CA10: variants seen among roughly 807,000 people sequenced by gnomAD.
CA10 encodes carbonic anhydrase-related protein 10.
In CA10, 14 loss-of-function variants were observed where a neutral mutation model predicts 44.2. The ratio of observed to expected loss-of-function variants is 0.32; its 90% CI spans 0.21 to 0.50. CA10 has a LOEUF of 0.50. Among genes scored for constraint, CA10 ranks in the 20% least tolerant of loss-of-function variants. The pLI is 0.99. For synonymous variants in CA10, 159 were observed against 141.6 expected, an observed-to-expected ratio of 1.12 and a Z score of -0.87; for missense variants, 350 against 409.7, an observed-to-expected ratio of 0.85 and a Z score of 1.26.
intron 4 of CA10, among the ~76,000 whole-genome samples, chr17:51,733,376 AGG>A (rs1286024753): frequency 6.6e-6 from 1 of 152,154 alleles, no homozygotes; most frequent in Non-Finnish European, 1.5e-5. Context: ...TTGAGAAGGC[AGG>A]GAGGCTGGGA....
At chr17:51,713,731 G>A (rs1916013236) in intron 4 of CA10, among the ~76,000 whole-genome samples, 1 of 152,152 alleles carries the variant, frequency 6.6e-6, no homozygotes, top group African/African-American at 2.4e-5. Flanking sequence ...GCCCTGGGGG[G>A]CACCAATCCT....
intron 7 of CA10, among the ~76,000 whole-genome samples, chr17:51,634,724 T>C (rs1343319352): frequency 6.6e-6 from 1 of 152,178 alleles, no homozygotes; most frequent in Non-Finnish European, 1.5e-5. Context: ...TGCAAAATAC[T>C]ACATATCATA....
Position 51,694,959 on chromosome 17 carries a change from T to A in CA10, c.466-41223A>T, listed in dbSNP as rs185846705. On this transcript the variant is annotated intron_variant, in intron 4 of 8. Transcript: ENST00000451037. ...TTATTCCCACTTTGTTGCATATCAG[T>A]TAGCCATGGGTGTATGGCTTATTTC... 4.9e-3 allele frequency among the ~76,000 whole-genome samples: 749 copies of A among 152,322 alleles called. 9 individuals carry two copies. The highest frequency in any genetic ancestry group is 0.017 in the African/African-American group (711 of 41,582).
At chr17:51,743,996 T>G (rs1904566689) in intron 4 of CA10, among the ~76,000 whole-genome samples, 2 of 152,208 alleles carry the variant, frequency 1.3e-5, no homozygotes, top group African/African-American at 4.8e-5. Context: ...AGGCTAATCC[T>G]CAGTAGAATA....
rs113525693 is a variant in CA10, at chr17:51,683,477, C to T, written c.466-29741G>A. 8.4e-3 allele frequency among the ~76,000 whole-genome samples: 1,284 copies of T among 152,222 alleles called. 20 individuals carry two copies. Among genetic ancestry groups the T allele is most frequent in the African/African-American group, 0.03 (1,236 of 41,534 alleles). Reference sequence around the variant, plus strand: ...TGTGTGGACCAAATGAGATAATCGACGGGAAAACGTTTTGCAAATGGTAAA... The same window carrying T: ...TGTGTGGACCAAATGAGATAATCGATGGGAAAACGTTTTGCAAATGGTAAA... On this transcript the variant is annotated intron_variant, in intron 4 of 8. Transcript: ENST00000451037.
Position 51,975,872 on chromosome 17 carries a change from G to GAA in CA10, c.137-44742_137-44741dup, listed in dbSNP as rs139387796. Among the ~76,000 whole-genome samples the GAA allele has an allele frequency of 2.7e-3, 264 of 98,110 alleles. 2 individuals are homozygous for GAA. Among genetic ancestry groups the GAA allele is most frequent in the African/African-American group, 9.2e-3 (239 of 25,882 alleles). The allele number at this position is 98,110 out of a possible 152,430, so 64.4% of individuals were successfully genotyped here. On this transcript the variant is annotated intron_variant, in intron 2 of 8. Coordinates refer to ENST00000451037, the MANE Select transcript of CA10 (RefSeq NM_020178.5). ...GGTGACAGAGTTAGACTCTGTCTCGGAAAAAAAAAAAAAAAAAAAAAGCAA... is the reference window on the plus strand; with the variant it reads ...GGTGACAGAGTTAGACTCTGTCTCGGAAAAAAAAAAAAAAAAAAAAAAAGCAA...
At chr17:52,046,332 A>G (rs1465511942) in intron 2 of CA10, among the ~76,000 whole-genome samples, 4 of 151,590 alleles carry the variant, frequency 2.6e-5, no homozygotes, top group African/African-American at 9.7e-5. Context: ...ATTTAATAGG[A>G]AAATAATATA....
chr17:51,928,251 G>T (rs1250323488), intron 3 of CA10, among the ~76,000 whole-genome samples: 1 of 152,112 alleles, frequency 6.6e-6, no homozygotes, highest in East Asian at 1.9e-4. Flanking sequence ...ATGAAACACA[G>T]TTTGAACTGC....
intron 4 of CA10, among the ~76,000 whole-genome samples, chr17:51,659,625 T>C (rs1211620712): frequency 2.0e-5 from 3 of 152,234 alleles, no homozygotes; most frequent in Non-Finnish European, 1.5e-5. Flanking sequence ...TTGTTAAAGT[T>C]AGTCATCATC....
At chr17:52,023,263 T>TA (rs1437168346) in intron 2 of CA10, among the ~76,000 whole-genome samples, 1 of 152,056 alleles carries the variant, frequency 6.6e-6, no homozygotes, top group African/African-American at 2.4e-5. Flanking sequence ...AACAGGCTCA[T>TA]ACACCAATGG....
chr17:52,030,494 T>C (rs1487085589), intron 2 of CA10, among the ~76,000 whole-genome samples: 2 of 152,292 alleles, frequency 1.3e-5, no homozygotes, highest in East Asian at 1.9e-4. Context: ...GAGGCACAAA[T>C]GGGATTCCAT....
intron 3 of CA10, among the ~76,000 whole-genome samples, chr17:51,891,453 G>A (rs60764763): frequency 0.099 from 14,999 of 152,208 alleles, 924 homozygotes; most frequent in African/African-American, 0.18. Flanking sequence ...AATAGTTAGC[G>A]ATTTGGTTTG....
intron 4 of CA10, among the ~76,000 whole-genome samples, chr17:51,747,423 T>C (rs1191223147): frequency 2.0e-5 from 3 of 152,202 alleles, no homozygotes; most frequent in Non-Finnish European, 4.4e-5. Flanking sequence ...AAAGAGCTAG[T>C]TTCATTGTAG....
chr17:51,669,356 C>A (rs1242743761), intron 4 of CA10, among the ~76,000 whole-genome samples: 3 of 152,080 alleles, frequency 2.0e-5, no homozygotes, highest in African/African-American at 7.2e-5. Context: ...ACTTTTGTGT[C>A]CAGCTAAAGG....
At chr17:51,901,387 C>T (rs1258822129) in intron 3 of CA10, among the ~76,000 whole-genome samples, 1 of 152,076 alleles carries the variant, frequency 6.6e-6, no homozygotes, top group Non-Finnish European at 1.5e-5. Flanking sequence ...AGCTGCTGTA[C>T]AAGAGGGGCT....
At chr17:51,770,361 C>T (rs1354612774) in intron 3 of CA10, among the ~76,000 whole-genome samples, 1 of 151,720 alleles carries the variant, frequency 6.6e-6, no homozygotes, top group Non-Finnish European at 1.5e-5. Context: ...TATGGAGAAA[C>T]AAAGAACCCC....
At chr17:51,789,915 C>T (rs1259586410) in intron 3 of CA10, among the ~76,000 whole-genome samples, 5 of 152,176 alleles carry the variant, frequency 3.3e-5, no homozygotes, top group African/African-American at 9.7e-5. Flanking sequence ...TCGGTGATGT[C>T]CCTAGACCTC....
intron 2 of CA10, among the ~76,000 whole-genome samples, chr17:52,044,296 T>C (rs1199115904): frequency 6.6e-6 from 1 of 152,054 alleles, no homozygotes; most frequent in Admixed American, 6.6e-5. Flanking sequence ...TGTATGTTTC[T>C]GGGAATTTAT....
At chr17:52,147,304 T>A (rs1488571029) in intron 1 of CA10, among the ~76,000 whole-genome samples, 1 of 152,114 alleles carries the variant, frequency 6.6e-6, no homozygotes, top group African/African-American at 2.4e-5. Context: ...GCATATACAG[T>A]CCCTGTCTTG....
Sources: allele counts gnomAD v4.1 joint callset (sites outside exome capture counted in the v4.1 genomes callset), GRCh38; gene constraint gnomAD v4.1.1; transcripts MANE v1.5; gene names NCBI Gene and HGNC (gene_info 2026-07-23, HGNC 2026-07-21).